The following IKBKB variants were observed in gnomAD, a reference collection of about 807,000 sequenced individuals.
IKBKB encodes the protein inhibitor of nuclear factor kappa B kinase subunit beta.
A neutral mutation model predicts 113.6 loss-of-function variants in IKBKB; 42 were observed. That is an observed-to-expected ratio of 0.37 (90% confidence interval 0.29 to 0.48). The LOEUF (loss-of-function observed/expected upper bound fraction) is 0.48, where lower values mean the gene tolerates loss of function less well. Among genes scored for constraint, IKBKB ranks in the 20% least tolerant of loss-of-function variants. IKBKB has a pLI of 0.99. For synonymous variants in IKBKB, 296 were observed against 361.3 expected, an observed-to-expected ratio of 0.82 and a Z score of 2.05; for missense variants, 673 against 939.7, an observed-to-expected ratio of 0.72 and a Z score of 3.71.
At chr8:42,312,827 A>T (rs1817970167) in intron 8 of IKBKB, among the ~76,000 whole-genome samples, 1 of 152,210 alleles carries the variant, frequency 6.6e-6, no homozygotes, top group South Asian at 2.1e-4. Flanking sequence ...ACCACTTGCC[A>T]ATGAGAATTG....
At chr8:42,283,458 C>A (rs1810749643) in intron 2 of IKBKB, among the ~76,000 whole-genome samples, 1 of 152,180 alleles carries the variant, frequency 6.6e-6, no homozygotes, top group Non-Finnish European at 1.5e-5. Flanking sequence ...CCAGTGTAAT[C>A]CCAAGGGTTC....
chr8:42,278,949 G>C (rs928046131), intron 2 of IKBKB, among the ~76,000 whole-genome samples: 1 of 152,020 alleles, frequency 6.6e-6, no homozygotes, highest in African/African-American at 2.4e-5. Flanking sequence ...AGTCGAGATC[G>C]TGCTACTGCA....
intron 8 of IKBKB, 61 bp from the exon 9 acceptor site, chr8:42,314,261 C>G (rs1302437578): frequency 7.6e-6 from 9 of 1,189,782 alleles, no homozygotes; most frequent in Non-Finnish European, 1.1e-5. Context: ...TGACGAATTT[C>G]TTAGAATGTG....
intron 5 of IKBKB, among the ~76,000 whole-genome samples, chr8:42,303,465 CTT>C (rs1452007285): frequency 6.6e-6 from 1 of 151,952 alleles, no homozygotes; most frequent in Non-Finnish European, 1.5e-5. Flanking sequence ...TTCTTCTGTG[CTT>C]TCTCACCACT....
At chr8:42,298,152 G>C in intron 5 of IKBKB, 29 of 985,424 alleles carry the variant, frequency 2.9e-5, no homozygotes, top group Non-Finnish European at 3.4e-5. Context: ...GTTTTCTTTT[G>C]TCAAGGGAGG....
intron 2 of IKBKB, among the ~76,000 whole-genome samples, chr8:42,283,100 GT>G (rs1810686366): frequency 6.6e-6 from 1 of 152,220 alleles, no homozygotes; most frequent in Admixed American, 6.5e-5. Flanking sequence ...CAAGTCTTCA[GT>G]ATCAGAATCT....
intron 9 of IKBKB, among the ~76,000 whole-genome samples, chr8:42,315,009 C>T (rs979969302): frequency 3.3e-5 from 5 of 152,122 alleles, no homozygotes; most frequent in African/African-American, 9.7e-5. Context: ...GTATCACATT[C>T]GGTTTTGCAT....
In IKBKB at chr8:42,322,054, A is replaced by G; in HGVS notation, c.1739A>G (p.Asp580Gly). The part of the protein sequence containing the change: ...LYRRLREKPR[D>G]QRTEGDSQEM... The stretch of plus-strand genomic sequence containing the variant: ...ACTATGCTACCCTCCCTCTCTCCAG[A>G]CCAGCGAACTGAGGGTGACAGTCAG... The change falls in exon 18 of 22, where the codon GAC becomes GGC. Residue 580 changes from aspartate (D) to glycine (G), a missense_variant and splice_region_variant. Physicochemically the swap from Asp to Gly is moderately conservative, Grantham distance 94 (BLOSUM62 -1). Coordinates refer to ENST00000520810, the MANE Select transcript of IKBKB (RefSeq NM_001556.3). 1 of 1,613,484 alleles carries G rather than the reference A, an allele frequency of 6.2e-7. No homozygotes were observed. Among genetic ancestry groups the G allele is most frequent in the Non-Finnish European group, 8.5e-7 (1 of 1,179,564 alleles).
At chr8:42,282,448 C>G (rs1233947837) in intron 2 of IKBKB, among the ~76,000 whole-genome samples, 1 of 152,206 alleles carries the variant, frequency 6.6e-6, no homozygotes, top group Non-Finnish European at 1.5e-5. Context: ...CTCTAGCGAT[C>G]TACCTGCCTT....
chr8:42,284,669 A>G (rs981945863), intron 2 of IKBKB, among the ~76,000 whole-genome samples: 20 of 152,172 alleles, frequency 1.3e-4, no homozygotes, highest in African/African-American at 4.8e-4. Context: ...CTTAAGCCAT[A>G]GCAGATATCG....
At chr8:42,312,874 T>C (rs1817981830) in intron 8 of IKBKB, among the ~76,000 whole-genome samples, 1 of 152,240 alleles carries the variant, frequency 6.6e-6, no homozygotes, top group African/African-American at 2.4e-5. Flanking sequence ...ATTTCCTAGA[T>C]GTTTTGAGGA....
intron 5 of IKBKB, among the ~76,000 whole-genome samples, chr8:42,300,379 A>G (rs1287866070): frequency 6.6e-6 from 1 of 152,126 alleles, no homozygotes; most frequent in African/African-American, 2.4e-5. Context: ...CCTCTATCTC[A>G]GCCTTTTGGA....
intron 6 of IKBKB, 42 bp from the exon 7 acceptor site, chr8:42,306,299 TTG>T: frequency 8.4e-7 from 1 of 1,195,368 alleles, no homozygotes. Context: ...TAGAAGGACA[TTG>T]TGTTCTTATA....
chr8:42,314,950 A>C (rs1367674075), intron 9 of IKBKB, among the ~76,000 whole-genome samples: 1 of 152,162 alleles, frequency 6.6e-6, no homozygotes, highest in East Asian at 1.9e-4. Flanking sequence ...TTCTAAGTTC[A>C]CATAACAATT....
chr8:42,325,460 C>A (rs1820559851), intron 19 of IKBKB: 1 of 924,318 alleles, frequency 1.1e-6, no homozygotes, highest in African/African-American at 1.8e-5. Context: ...AGGCAGATCA[C>A]CTGAGGTCAG....
intron 7 of IKBKB, 80 bp from the exon 8 acceptor site, chr8:42,308,821 G>A (rs1012239188): frequency 2.1e-6 from 3 of 1,399,246 alleles, no homozygotes; most frequent in African/African-American, 1.4e-5. Context: ...AGGGGTGAAA[G>A]CAGATGGGCT....
chr8:42,297,637 A>G (rs1345855649), intron 5 of IKBKB, among the ~76,000 whole-genome samples: 2 of 152,192 alleles, frequency 1.3e-5, no homozygotes, highest in Admixed American at 6.5e-5. Context: ...GCTCATGCCT[A>G]GAATCTCAGC....
At chr8:42,282,577 G>A (rs529180335) in intron 2 of IKBKB, among the ~76,000 whole-genome samples, 97 of 152,174 alleles carry the variant, frequency 6.4e-4, no homozygotes, top group Non-Finnish European at 5.9e-4. Context: ...AGATGGCGCA[G>A]GCCTAGTCTG....
chr8:42,325,657 G>A lies in IKBKB; in HGVS notation c.1987-313G>A, dbSNP rs772366317. ...TCGCACATCGCACTTCAGCCCAGGC[G>A]ACAGAGCAAGACTCTCAATCATAAT... is the stretch of plus-strand genomic sequence containing the variant. On this transcript the variant is annotated intron_variant, in intron 19 of 21. Coordinates refer to ENST00000520810, the MANE Select transcript of IKBKB (RefSeq NM_001556.3). 7 of 1,083,016 alleles carry A rather than the reference G, an allele frequency of 6.5e-6. No homozygotes were observed. The Admixed American group carries it at 2.5e-4, about 38-fold the overall frequency. The allele number at this position is 1,083,016 out of a possible 1,614,324, so 67.1% of individuals were successfully genotyped here.
Sources: allele counts gnomAD v4.1 joint callset (sites outside exome capture counted in the v4.1 genomes callset), GRCh38; gene constraint gnomAD v4.1.1; transcripts MANE v1.5; gene names NCBI Gene and HGNC (gene_info 2026-07-23, HGNC 2026-07-21).